Variants in SETD3 observed in about 807,000 individuals in gnomAD.
SETD3 encodes the protein SET domain containing 3, actin N3(tau)-histidine methyltransferase, also known as actin-histidine N-methyltransferase.
SETD3 carries 19 observed loss-of-function variants against 63.0 expected under a neutral mutation model. The ratio of observed to expected loss-of-function variants is 0.30; its 90% confidence interval spans 0.21 to 0.44. The LOEUF (loss-of-function observed/expected upper bound fraction) is 0.44, where lower values mean the gene tolerates loss of function less well. Ranked by LOEUF, SETD3 falls within the 20% of genes least tolerant of loss-of-function variation. The probability of loss-of-function intolerance (pLI) is 1.00; values close to 1 mark genes in which losing one functional copy is unlikely to be tolerated. For synonymous variants in SETD3, 286 were observed against 264.1 expected, an observed-to-expected ratio of 1.08 and a Z score of -0.80; for missense variants, 587 against 728.5, an observed-to-expected ratio of 0.81 and a Z score of 2.24.
At chr14:99,446,975 CT>C (rs35458723) in intron 6 of SETD3, among the ~76,000 whole-genome samples, 75,559 of 141,190 alleles carry the variant, frequency 0.54, 19,849 homozygotes, top group Non-Finnish European at 0.57. Context: ...TATTTCATTT[CT>C]TTTTTTTTTT....
At position 99,447,189 on chromosome 14, in the gene SETD3, T is replaced by G. The variant is rs141023913; in HGVS notation, c.675+11090A>C. ...GGTTTCACCATGCTGGCCAGGCTGGTCTTAAACTCCCGACCTCAGGTGATC... is the reference window on the plus strand; with the variant it reads ...GGTTTCACCATGCTGGCCAGGCTGGGCTTAAACTCCCGACCTCAGGTGATC... On this transcript the variant is annotated intron_variant, in intron 6 of 12. Coordinates refer to ENST00000331768, the MANE Select transcript of SETD3 (RefSeq NM_032233.3). Among the ~76,000 whole-genome samples, 1,477 of 152,194 alleles carry G rather than the reference T, an allele frequency of 9.7e-3. 62 individuals are homozygous for G. Among genetic ancestry groups the G allele is most frequent in the Admixed American group, 0.077 (1,175 of 15,288 alleles).
upstream of SETD3, among the ~76,000 whole-genome samples, chr14:99,481,800 G>A (rs1896334722): frequency 6.6e-6 from 1 of 152,198 alleles, no homozygotes; most frequent in African/African-American, 2.4e-5. Flanking sequence ...TGTTAACCGC[G>A]CACAGTCTCA....
chr14:99,464,521 G>T (rs1895258562), intron 2 of SETD3, among the ~76,000 whole-genome samples: 1 of 152,228 alleles, frequency 6.6e-6, no homozygotes, highest in Non-Finnish European at 1.5e-5. Flanking sequence ...GGGGAGCTCA[G>T]CGAGGAATGG....
intron 6 of SETD3, among the ~76,000 whole-genome samples, chr14:99,443,697 T>C (rs1359453572): frequency 6.6e-6 from 1 of 152,222 alleles, no homozygotes; most frequent in African/African-American, 2.4e-5. Flanking sequence ...AGGTTATGAA[T>C]GCTTCACTGG....
chr14:99,452,803 C>G (rs1482424817), intron 6 of SETD3, among the ~76,000 whole-genome samples: 1 of 152,210 alleles, frequency 6.6e-6, no homozygotes, highest in Non-Finnish European at 1.5e-5. Flanking sequence ...GAGACAGGGG[C>G]TGCAAGCCAT....
At chr14:99,464,056 A>G (rs560820121) in intron 2 of SETD3, among the ~76,000 whole-genome samples, 17 of 152,342 alleles carry the variant, frequency 1.1e-4, no homozygotes, top group Admixed American at 3.3e-4. Flanking sequence ...ATTGGACATA[A>G]GGACAATTAG....
chr14:99,446,108 T>C (rs1046245733), intron 6 of SETD3, among the ~76,000 whole-genome samples: 3 of 152,186 alleles, frequency 2.0e-5, no homozygotes, highest in Non-Finnish European at 4.4e-5. Context: ...GCTTACTCAG[T>C]GGCTCTGGCG....
chr14:99,479,960 G>C (rs988399433), intron 1 of SETD3, among the ~76,000 whole-genome samples: 2 of 151,896 alleles, frequency 1.3e-5, no homozygotes, highest in African/African-American at 2.4e-5. Context: ...TGGAGACCGG[G>C]AAAAGACAAG....
At chr14:99,421,161 G>A (rs1010383923) in intron 6 of SETD3, among the ~76,000 whole-genome samples, 6 of 138,216 alleles carry the variant, frequency 4.3e-5, no homozygotes, top group South Asian at 4.5e-4. Flanking sequence ...TCCACCAATC[G>A]ATCAATGCTT....
chr14:99,461,077 C>G, intron 4 of SETD3, 115 bp downstream of exon 4: 1 of 1,288,336 alleles, frequency 7.8e-7, no homozygotes, highest in South Asian at 1.5e-5. Flanking sequence ...TATCTGCCCA[C>G]AGGCTCAGAA....
At chr14:99,475,299 G>C (rs150307323) in intron 1 of SETD3, among the ~76,000 whole-genome samples, 1 of 152,332 alleles carries the variant, frequency 6.6e-6, no homozygotes, top group African/African-American at 2.4e-5. Flanking sequence ...CGGATGTTAT[G>C]GAGCAGTCAC....
chr14:99,461,430 T>G, intron 3 of SETD3, 90 bp from the exon 4 acceptor site: 1 of 1,315,868 alleles, frequency 7.6e-7, no homozygotes. Flanking sequence ...AGGCCATAAC[T>G]AACACTGGAA....
At chr14:99,425,799 C>T (rs1892849483) in intron 6 of SETD3, among the ~76,000 whole-genome samples, 1 of 152,138 alleles carries the variant, frequency 6.6e-6, no homozygotes, top group South Asian at 2.1e-4. Context: ...CTTAATGAAT[C>T]TACTGCAAAA....
At chr14:99,412,896 G>A in intron 8 of SETD3, 55 bp downstream of exon 8, 7 of 1,266,014 alleles carry the variant, frequency 5.5e-6, no homozygotes, top group Non-Finnish European at 8.1e-6. Flanking sequence ...CCCTCCCAAA[G>A]CTTAGCAACA....
chr14:99,446,386 C>A (rs1894130915), intron 6 of SETD3, among the ~76,000 whole-genome samples: 1 of 152,150 alleles, frequency 6.6e-6, no homozygotes, highest in African/African-American at 2.4e-5. Context: ...TCAGATTATT[C>A]TAGGAAGGTA....
intron 1 of SETD3, among the ~76,000 whole-genome samples, chr14:99,476,782 G>A (rs1895994772): frequency 6.6e-6 from 1 of 152,140 alleles, no homozygotes; most frequent in Admixed American, 6.6e-5. Context: ...ATGTCCTGAT[G>A]AATTGTATTC....
chr14:99,435,897 C>T (rs1453873989), intron 6 of SETD3, among the ~76,000 whole-genome samples: 3 of 152,130 alleles, frequency 2.0e-5, no homozygotes, highest in African/African-American at 7.2e-5. Context: ...AGTCCATTCT[C>T]ACACTGCGAT....
rs747120217 is a variant in SETD3, at chr14:99,400,210, G to A, written c.1227C>T (p.Phe409=). Reference sequence around the variant, plus strand: ...CAGGAAATTCCGAGTTCCCCAAGGTGAAGATTCTATCAATAGCGCTGTCTC... The same window carrying A: ...CAGGAAATTCCGAGTTCCCCAAGGTAAAGATTCTATCAATAGCGCTGTCTC... ...LLGDSAIDRI[F]TLGNSEFPVS... is the part of the protein sequence containing the mutation. The change falls in exon 12 of 13, where the codon TTC becomes TTT. Residue 409 remains phenylalanine (F), a synonymous_variant. Transcript: ENST00000331768. 3 of 1,614,002 alleles carry A rather than the reference G, an allele frequency of 1.9e-6. No individual in the cohort carries two copies. The highest frequency in any genetic ancestry group is 1.3e-5 in the African/African-American group (1 of 74,920).
At chr14:99,445,800 G>A (rs1894098045) in intron 6 of SETD3, among the ~76,000 whole-genome samples, 1 of 152,088 alleles carries the variant, frequency 6.6e-6, no homozygotes, top group Non-Finnish European at 1.5e-5. Context: ...CAAAAACAAG[G>A]TCTAAAAATC....
Sources: allele counts gnomAD v4.1 joint callset (sites outside exome capture counted in the v4.1 genomes callset), GRCh38; gene constraint gnomAD v4.1.1; transcripts MANE v1.5; gene names NCBI Gene and HGNC (gene_info 2026-07-23, HGNC 2026-07-21).